NBAS: variants seen among roughly 807,000 people sequenced by gnomAD.
NBAS encodes the protein NAG/BC035112 fusion.
A neutral mutation model predicts 302.5 loss-of-function variants in NBAS; 219 were observed. The ratio of observed to expected loss-of-function variants is 0.72; its 90% CI spans 0.65 to 0.81. NBAS has a LOEUF of 0.81. Ranked by LOEUF, NBAS falls within the 30% of genes least tolerant of loss-of-function variation. The pLI, the probability that NBAS is intolerant of heterozygous loss-of-function variation, is 0.00. For missense variants in NBAS, 2,932 were observed against 2,841.6 expected, an observed-to-expected ratio of 1.03 and a Z score of -0.72; for synonymous variants, 1,118 against 1,021.6, an observed-to-expected ratio of 1.09 and a Z score of -1.80.
chr2:15,228,751 C>T (rs1667248434), intron 47 of NBAS, among the ~76,000 whole-genome samples: 1 of 152,148 alleles, frequency 6.6e-6, no homozygotes, highest in African/African-American at 2.4e-5. Flanking sequence ...CACACGATCT[C>T]ACTCATATGT....
intron 11 of NBAS, among the ~76,000 whole-genome samples, chr2:15,499,502 G>GAACT (rs1046333097): frequency 6.6e-6 from 1 of 152,136 alleles, no homozygotes; most frequent in African/African-American, 2.4e-5. Context: ...ACTAATGCAG[G>GAACT]AACTAATGGA....
chr2:14,788,743 G>T, the NBAS span, among the ~76,000 whole-genome samples: 1 of 152,148 alleles, frequency 6.6e-6, no homozygotes, highest in Non-Finnish European at 1.5e-5. Context: ...GCCCCTACTG[G>T]GGGGTGCCTC....
At chr2:15,519,757 T>C (rs1029195935) in intron 9 of NBAS, among the ~76,000 whole-genome samples, 10 of 152,152 alleles carry the variant, frequency 6.6e-5, no homozygotes, top group African/African-American at 2.4e-4. Flanking sequence ...GAATTTGCAT[T>C]TCTAACCATT....
At chr2:15,438,833 A>G (rs1466276411) in intron 21 of NBAS, among the ~76,000 whole-genome samples, 2 of 152,158 alleles carry the variant, frequency 1.3e-5, no homozygotes, top group East Asian at 1.9e-4. Context: ...CTCAGTGTGT[A>G]CCTGTGATGA....
chr2:15,221,614 T>C (rs894098094), intron 47 of NBAS, among the ~76,000 whole-genome samples: 1 of 152,230 alleles, frequency 6.6e-6, no homozygotes. Flanking sequence ...GAAGAGAGAA[T>C]AGAACCAGGA....
the NBAS span, among the ~76,000 whole-genome samples, chr2:14,973,103 T>C: frequency 2.0e-5 from 3 of 152,186 alleles, no homozygotes; most frequent in Non-Finnish European, 2.9e-5. Flanking sequence ...GAGATGTCAG[T>C]GACTGATCGC....
chr2:15,355,587 G>C (rs1004673465), intron 33 of NBAS, among the ~76,000 whole-genome samples: 5 of 152,106 alleles, frequency 3.3e-5, no homozygotes, highest in Non-Finnish European at 7.3e-5. Flanking sequence ...TGGGGCCTTG[G>C]GGGAGGTGAT....
intron 44 of NBAS, among the ~76,000 whole-genome samples, chr2:15,274,816 G>C (rs781105152): frequency 9.2e-5 from 14 of 151,946 alleles, no homozygotes; most frequent in Non-Finnish European, 1.2e-4. Context: ...CCAGGCTGGA[G>C]TGCAGTGGCA....
At chr2:14,983,401 G>A in the NBAS span, among the ~76,000 whole-genome samples, 5 of 152,214 alleles carry the variant, frequency 3.3e-5, no homozygotes, top group African/African-American at 1.2e-4. Flanking sequence ...TCGACTGAGT[G>A]TATAGGTCCA....
At chr2:15,018,506 G>A in the NBAS span, among the ~76,000 whole-genome samples, 8 of 151,888 alleles carry the variant, frequency 5.3e-5, no homozygotes, top group African/African-American at 1.9e-4. Context: ...TTACTCAAAT[G>A]GGTGAAGTTT....
At chr2:14,873,551 C>T in the NBAS span, among the ~76,000 whole-genome samples, 6 of 151,864 alleles carry the variant, frequency 4.0e-5, no homozygotes, top group Non-Finnish European at 8.8e-5. Flanking sequence ...AAATATATAC[C>T]AGGATAGACT....
At chr2:15,368,191 CTTT>C (rs1197291033) in intron 31 of NBAS, among the ~76,000 whole-genome samples, 900 of 84,602 alleles carry the variant, frequency 0.011, 4 homozygotes, top group African/African-American at 0.048. Flanking sequence ...AATGTTTTGA[CTTT>C]TTTTTTTTTT....
At chr2:15,502,033 AAC>A (rs1661594920) in intron 11 of NBAS, among the ~76,000 whole-genome samples, 2 of 152,200 alleles carry the variant, frequency 1.3e-5, no homozygotes, top group African/African-American at 4.8e-5. Context: ...GCTACTTTGA[AAC>A]ACATCTTAGT....
the NBAS span, among the ~76,000 whole-genome samples, chr2:15,035,061 TATGTTGCACCACAG>T: frequency 6.6e-6 from 1 of 152,112 alleles, no homozygotes; most frequent in Non-Finnish European, 1.5e-5. Context: ...TATTTCATAG[TATGTTGCACCACAG>T]ATTGCAATCC....
At position 15,418,093 on chromosome 2, in the gene NBAS, A is replaced by G. The variant is rs1490547923; in HGVS notation, c.2578-381T>C. 5.3e-5 allele frequency among the ~76,000 whole-genome samples: 8 copies of G among 152,346 alleles called. 1 individual carries two copies. The South Asian group carries it at 1.4e-3, about 28-fold the overall frequency. On this transcript the variant is annotated intron_variant, in intron 23 of 51. Transcript: ENST00000281513. ...ATGTCAAAATAACCTTATTTTTACT[A>G]TTACCACTCTGCTTCCAAAAAGAAT...
chr2:15,383,245 G>T lies in NBAS; in HGVS notation c.3330C>A (p.Tyr1110Ter). The change falls in exon 29 of 52, where the codon TAC (tyrosine) becomes TAA (stop). Residue 1110 changes from tyrosine to a stop codon, truncating the protein, a stop_gained. Coordinates refer to ENST00000281513, the MANE Select transcript of NBAS (RefSeq NM_015909.4). LOFTEE classifies it high-confidence loss of function. ...AGCAGGCATCAGAATCTAGACATGT[G>T]TATACATTCTGCTGCATAGTTAACA... is the stretch of plus-strand genomic sequence containing the variant. ...QDMLTMQQNV[Y>*]TCLDSDACYE... is the part of the protein sequence containing the mutation. 2 of 1,613,932 alleles carry T rather than the reference G, an allele frequency of 1.2e-6. No homozygotes were observed. The highest frequency in any genetic ancestry group is 1.7e-6 in the Non-Finnish European group (2 of 1,179,904).
intron 9 of NBAS, among the ~76,000 whole-genome samples, chr2:15,519,545 T>G (rs1662562375): frequency 6.6e-6 from 1 of 152,148 alleles, no homozygotes; most frequent in Non-Finnish European, 1.5e-5. Flanking sequence ...TCCAGTGATC[T>G]TCGCACCCTC....
chr2:14,981,578 T>C, the NBAS span, among the ~76,000 whole-genome samples: 1 of 152,248 alleles, frequency 6.6e-6, no homozygotes, highest in African/African-American at 2.4e-5. Flanking sequence ...AGCCAGGGAC[T>C]ACTCTTCCTA....
At chr2:15,102,484 G>GTACTTTCTACCTGAC in the NBAS span, among the ~76,000 whole-genome samples, 1 of 152,256 alleles carries the variant, frequency 6.6e-6, no homozygotes, top group East Asian at 1.9e-4. Flanking sequence ...GCTATGCTGG[G>GTACTTTCTACCTGAC]TACTTTCTAC....
Sources: allele counts gnomAD v4.1 joint callset (sites outside exome capture counted in the v4.1 genomes callset), GRCh38; gene constraint gnomAD v4.1.1; transcripts MANE v1.5; gene names NCBI Gene and HGNC (gene_info 2026-07-23, HGNC 2026-07-21).